MAPKBP1: variants seen among roughly 807,000 people sequenced by gnomAD.
MAPKBP1 encodes the protein mitogen-activated protein kinase-binding protein 1.
A neutral mutation model predicts 170.5 loss-of-function variants in MAPKBP1; 71 were observed. The ratio of observed to expected loss-of-function variants is 0.42; its 90% CI spans 0.34 to 0.51. MAPKBP1 has a LOEUF of 0.51. Among genes scored for constraint, MAPKBP1 ranks in the 20% least tolerant of loss-of-function variants. MAPKBP1 has a pLI of 0.06. For synonymous variants in MAPKBP1, 719 were observed against 757.9 expected, an observed-to-expected ratio of 0.95 and a Z score of 0.84; for missense variants, 1,598 against 1,933.0, an observed-to-expected ratio of 0.83 and a Z score of 3.25.
chr15:41,800,080 C>T (rs762779753), intron 3 of MAPKBP1, among the ~76,000 whole-genome samples, 166 bp downstream of exon 3: 2 of 152,114 alleles, frequency 1.3e-5, no homozygotes, highest in Non-Finnish European at 1.5e-5. Flanking sequence ...GGTTCTTTGT[C>T]GGGTGCTGTC....
At chr15:41,810,831 C>T (rs752218974) in intron 3 of MAPKBP1, 52 bp from the exon 4 acceptor site, 65 of 1,574,850 alleles carry the variant, frequency 4.1e-5, no homozygotes, top group Non-Finnish European at 5.6e-5. Flanking sequence ...CTGGAGGGCT[C>T]CTGGGGGAGC....
Position 41,812,038 on chromosome 15 carries a change from G to A in MAPKBP1, c.409G>A (p.Val137Met). Residue 137 changes from valine to methionine, a missense_variant, in exon 6 of 31, where the codon GTG (valine) becomes ATG (methionine). Physicochemically the swap from Val to Met is conservative, Grantham distance 21. This residue lies in a region of MAPKBP1 where 151 missense variants were observed against 191.4 expected (regional missense o/e 0.79). Coordinates refer to ENST00000457542, the MANE Select transcript of MAPKBP1 (RefSeq NM_014994.3). ...CGAGCTGCAGGAGCACAAGTATGGT[G>A]TGGCTTGTGTGGCCTTCTCTCCTAG... Reference protein sequence around the residue: ...VAELQEHKYGVACVAFSPSAK... With the variant: ...VAELQEHKYGMACVAFSPSAK... The A allele has an allele frequency of 1.2e-6, 2 of 1,614,162 alleles. No individual in the cohort carries two copies. Among genetic ancestry groups the A allele is most frequent in the South Asian group, 2.2e-5 (2 of 91,080 alleles).
In MAPKBP1 at chr15:41,824,484, A is replaced by T; in HGVS notation, c.4214A>T (p.Glu1405Val). Reference protein sequence around the residue: ...KPGAALSQDSEPAVSLEQCEQ... With the variant: ...KPGAALSQDSVPAVSLEQCEQ... The stretch of plus-strand genomic sequence containing the variant: ...ACTGAGCTGTATCCGTCTCTTTCAG[A>T]GCCAGCGGTGAGCCTGGAGCAGTGT... The change falls in exon 30 of 31, where the codon GAG becomes GTG. Residue 1405 changes from glutamate (E) to valine (V), a missense_variant and splice_region_variant. This residue lies in a region of MAPKBP1 where 942 missense variants were observed against 953.2 expected (regional missense o/e 0.99). Transcript: ENST00000457542. 1 of 1,592,558 alleles carries T rather than the reference A, an allele frequency of 6.3e-7. No individual in the cohort carries two copies. The highest frequency in any genetic ancestry group is 8.6e-7 in the Non-Finnish European group (1 of 1,169,582).
At chr15:41,814,936 G>A (rs2064864621) in intron 10 of MAPKBP1, among the ~76,000 whole-genome samples, 197 bp downstream of exon 10, 1 of 152,158 alleles carries the variant, frequency 6.6e-6, no homozygotes, top group African/African-American at 2.4e-5. Context: ...CCTTAGTTTT[G>A]CCTCGGTCAT....
intron 25 of MAPKBP1, 34 bp from the exon 26 acceptor site, chr15:41,822,191 C>G: frequency 6.2e-7 from 1 of 1,605,204 alleles, no homozygotes; most frequent in South Asian, 1.1e-5. Context: ...CAGATGGGTG[C>G]AGTGCGATGC....
At chr15:41,787,431 G>C (rs1363005816) in intron 2 of MAPKBP1, among the ~76,000 whole-genome samples, 2 of 151,312 alleles carry the variant, frequency 1.3e-5, no homozygotes, top group African/African-American at 4.9e-5. Flanking sequence ...GCAGTGGTGT[G>C]ATCGCGGCTC....
intron 2 of MAPKBP1, among the ~76,000 whole-genome samples, chr15:41,793,013 AGGT>A (rs1168289611): frequency 1.8e-4 from 28 of 152,226 alleles, no homozygotes; most frequent in African/African-American, 6.7e-4. Context: ...AAATGAGGCT[AGGT>A]TTTCTTCGCA....
chr15:41,796,288 A>G (rs2064487481), intron 2 of MAPKBP1, among the ~76,000 whole-genome samples: 1 of 152,104 alleles, frequency 6.6e-6, no homozygotes, highest in African/African-American at 2.4e-5. Context: ...TTTGCAGGGG[A>G]TGTTCAAATT....
In MAPKBP1 at chr15:41,822,923, C is replaced by T. The variant is rs2152084464; in HGVS notation, c.3315-16C>T. The T allele has an allele frequency of 2.5e-6, 4 of 1,588,780 alleles. No individual in the cohort carries two copies. Among genetic ancestry groups the T allele is most frequent in the East Asian group, 4.5e-5 (2 of 44,436 alleles). ...TGAGCCTTCTCTGGGCCTTCTCCCA[C>T]ATGTTCTCCCTGTAGGGAACCATCC... On this transcript the variant is annotated splice_polypyrimidine_tract_variant and intron_variant, in intron 27 of 30. Transcript: ENST00000457542.
At chr15:41,822,449 G>A (rs375945730) in intron 26 of MAPKBP1, 27 bp downstream of exon 26, 2 of 1,610,184 alleles carry the variant, frequency 1.2e-6, no homozygotes, top group East Asian at 2.2e-5. Context: ...AGCATTTAGT[G>A]CCTGCAATTT....
chr15:41,807,189 G>A (rs1350549632), intron 3 of MAPKBP1, among the ~76,000 whole-genome samples: 1 of 152,130 alleles, frequency 6.6e-6, no homozygotes, highest in Non-Finnish European at 1.5e-5. Flanking sequence ...ATTGCCTCTA[G>A]CCAGTCATCC....
intron 2 of MAPKBP1, among the ~76,000 whole-genome samples, chr15:41,788,315 A>G (rs906151623): frequency 2.0e-5 from 3 of 152,214 alleles, no homozygotes; most frequent in Admixed American, 1.3e-4. Flanking sequence ...CAACAAATAT[A>G]TATTAAACAC....
Position 41,823,545 on chromosome 15 carries a change from G to A in MAPKBP1, c.3697G>A (p.Gly1233Ser), listed in dbSNP as rs751238572. ...DGLGSLPPAD[G>S]RPSRPHSYQN... ...TCTGGGCTCCCTGCCCCCAGCTGAT[G>A]GCCGTCCGTCTCGGCCTCACTCCTA... The change falls in exon 29 of 31, where the codon GGC becomes AGC. Residue 1233 changes from glycine (G) to serine (S), a missense_variant. Coordinates refer to ENST00000457542, the MANE Select transcript of MAPKBP1 (RefSeq NM_014994.3). The A allele has an allele frequency of 1.2e-6, 2 of 1,614,024 alleles. No homozygotes were observed. Among genetic ancestry groups the A allele is most frequent in the Admixed American group, 1.7e-5 (1 of 59,994 alleles).
intron 10 of MAPKBP1, 73 bp from the exon 11 acceptor site, chr15:41,815,184 TCC>T: frequency 1.3e-6 from 2 of 1,575,414 alleles, no homozygotes; most frequent in African/African-American, 1.3e-5. Context: ...TTCGTCCCAT[TCC>T]CTTCCATCTC....
chr15:41,806,538 G>T lies in MAPKBP1; in HGVS notation c.207-4345G>T, dbSNP rs369837022. 1.5e-3 allele frequency among the ~76,000 whole-genome samples: 236 copies of T among 152,310 alleles called. 1 individual carries two copies. The highest frequency in any genetic ancestry group is 5.5e-3 in the African/African-American group (227 of 41,576). On this transcript the variant is annotated intron_variant, in intron 3 of 30. Coordinates refer to ENST00000457542, the MANE Select transcript of MAPKBP1 (RefSeq NM_014994.3). ...AGCAGCAGGCCTGGACCTGTGTAGG[G>T]AAGGGGGATGTTGAAGGCTTGGCCC...
In MAPKBP1 at chr15:41,810,908, C is replaced by A. The variant is rs764180765; in HGVS notation, c.232C>A (p.Arg78=). 6.2e-7 allele frequency: 1 copy of A among 1,614,090 alleles called. No homozygotes were observed. Among genetic ancestry groups the A allele is most frequent in the Non-Finnish European group, 8.5e-7 (1 of 1,180,008 alleles). The change falls in exon 4 of 31, where the codon CGG becomes AGG. Residue 78 remains arginine (R), a synonymous_variant. Transcript: ENST00000457542. The stretch of plus-strand genomic sequence containing the variant: ...GTGTGTGGTTGTGTTGTTCAATCCC[C>A]GGAAACACAAACAGCACCACATCCT... ...AGCVVVLFNP[R]KHKQHHILNS...
chr15:41,815,138 C>G (rs1046482906), intron 10 of MAPKBP1, 121 bp from the exon 11 acceptor site: 4 of 1,186,902 alleles, frequency 3.4e-6, no homozygotes, highest in Non-Finnish European at 4.9e-6. Flanking sequence ...TGGCCTGTGA[C>G]AGGCACTGGG....
At chr15:41,786,284 A>G (rs544099584) in intron 2 of MAPKBP1, among the ~76,000 whole-genome samples, 1 of 152,280 alleles carries the variant, frequency 6.6e-6, no homozygotes, top group South Asian at 2.1e-4. Flanking sequence ...TGTCTCCATT[A>G]TATATTTCTG....
At chr15:41,776,123 C>A (rs2064094058) in intron 2 of MAPKBP1, among the ~76,000 whole-genome samples, 2 of 152,208 alleles carry the variant, frequency 1.3e-5, no homozygotes, top group Non-Finnish European at 2.9e-5. Flanking sequence ...AACCCCACAA[C>A]TTTGGGAATC....
Sources: gnomAD v4.1 joint callset for allele counts (sites outside exome capture counted in the v4.1 genomes callset) on GRCh38, gnomAD v4.1.1 for gene constraint, gnomAD v4.1.1 regional missense constraint, MANE v1.5 for transcripts, NCBI Gene and HGNC (gene_info 2026-07-23, HGNC 2026-07-21) for gene names.